STN1: variants seen among roughly 807,000 people sequenced by gnomAD.
The protein encoded by STN1 is STN1 subunit of CST complex, also known as CST complex subunit STN1.
Under a neutral mutation model 45.5 loss-of-function variants are expected in STN1, and 29 were observed. That is an observed-to-expected ratio of 0.64 (90% confidence interval 0.47 to 0.87). The LOEUF (loss-of-function observed/expected upper bound fraction) is 0.87, where lower values mean the gene tolerates loss of function less well. Ranked by LOEUF, STN1 falls within the 40% of genes least tolerant of loss-of-function variation. The pLI is 0.00. For missense variants in STN1, 376 were observed against 441.4 expected (o/e 0.85, Z 1.33); for synonymous variants, 148 against 159.0 (o/e 0.93, Z 0.52).
At chr10:103,888,973 G>C (rs929309651) in intron 9 of STN1, 99 bp downstream of exon 9, 26 of 816,354 alleles carry the variant, frequency 3.2e-5, no homozygotes, top group Non-Finnish European at 5.4e-5. Flanking sequence ...TCACTACTGG[G>C]AAAAGTCCCG....
chr10:103,893,785 G>A (rs1843155168), intron 7 of STN1, among the ~76,000 whole-genome samples: 1 of 152,194 alleles, frequency 6.6e-6, no homozygotes, highest in East Asian at 1.9e-4. Flanking sequence ...ATAGATCCTG[G>A]TGATGTTTCA....
At chr10:103,892,722 G>A (rs1843147751) in intron 7 of STN1, among the ~76,000 whole-genome samples, 1 of 152,154 alleles carries the variant, frequency 6.6e-6, no homozygotes, top group African/African-American at 2.4e-5. Flanking sequence ...TATTTTAAAT[G>A]GAGGACAACA....
At position 103,882,514 on chromosome 10, in the gene STN1, G is replaced by C. The variant is rs569978201; in HGVS notation, c.*170C>G. On this transcript the variant is annotated 3_prime_UTR_variant, in exon 10 of 10. Coordinates refer to ENST00000224950, the MANE Select transcript of STN1 (RefSeq NM_024928.5). ...CACCAAGGACATAGTGGACAGAAGG[G>C]AGCCAACAACATTTATGCCAAATCC... The C allele has an allele frequency of 8.9e-4, 561 of 633,398 alleles. 3 individuals are homozygous for C. Among genetic ancestry groups the C allele is most frequent in the Middle Eastern group, 8.0e-3 (23 of 2,866 alleles). 39.2% of individuals were successfully genotyped at this position (633,398 alleles called of 1,614,324 possible).
At chr10:103,892,294 C>T (rs1843144899) in intron 7 of STN1, 42 bp from the exon 8 acceptor site, 4 of 1,542,470 alleles carry the variant, frequency 2.6e-6, no homozygotes, top group Non-Finnish European at 3.5e-6. Flanking sequence ...AAATAAGTCT[C>T]ACCTTACGGC....
chr10:103,917,978 C>A, intron 1 of STN1, 122 bp downstream of exon 1: 1 of 185,674 alleles, frequency 5.4e-6, no homozygotes, highest in South Asian at 1.0e-4. Flanking sequence ...AACGGGCGCC[C>A]TCGCAGCCCT....
intron 7 of STN1, 102 bp from the exon 8 acceptor site, chr10:103,892,354 C>T (rs1389115135): frequency 1.9e-6 from 2 of 1,055,100 alleles, no homozygotes; most frequent in Non-Finnish European, 2.7e-6. Flanking sequence ...GTCCAACAGG[C>T]CTTTTAACTG....
rs1180481464 is a variant in STN1, at chr10:103,910,539, A to T, written c.217T>A (p.Tyr73Asn). 1 of 1,600,394 alleles carries T rather than the reference A, an allele frequency of 6.2e-7. No homozygotes were observed. The highest frequency in any genetic ancestry group is 2.2e-5 in the East Asian group (1 of 44,844). The change falls in exon 3 of 10, where the codon TAC (tyrosine) becomes AAC (asparagine). Residue 73 changes from tyrosine (Y) to asparagine (N), a missense_variant. Tyr to Asn is a moderately radical substitution (Grantham distance 143). Coordinates refer to ENST00000224950, the MANE Select transcript of STN1 (RefSeq NM_024928.5). Reference protein sequence around the residue: ...VIGVRERDAFYSYGVDDSTGV... With the variant: ...VIGVRERDAFNSYGVDDSTGV... ...CAATTGTTCTTACCTCCATAACTGT[A>T]GAAAGCATCTCTTTCTCTCACTCCA...
chr10:103,886,283 T>G (rs1381104191), intron 9 of STN1, among the ~76,000 whole-genome samples: 1 of 152,218 alleles, frequency 6.6e-6, no homozygotes, highest in Non-Finnish European at 1.5e-5. Flanking sequence ...TTTTCTTCGG[T>G]GTGAAATGAT....
intron 2 of STN1, among the ~76,000 whole-genome samples, chr10:103,911,201 C>A (rs1198279478): frequency 6.6e-6 from 1 of 152,108 alleles, no homozygotes; most frequent in Admixed American, 6.5e-5. Context: ...CAGATGGTGG[C>A]AGGCAACTTC....
rs1843067256 is a variant in STN1 at position 103,881,308 on chromosome 10, C to T, written c.*1376G>A. On this transcript the variant is annotated 3_prime_UTR_variant, in exon 10 of 10. Coordinates refer to ENST00000224950, the MANE Select transcript of STN1 (RefSeq NM_024928.5). ...CCTTTTTACCTTCTGATTCTGAACT[C>T]CTTCCTGGGCAGCCCCACTAATCAG... Among the ~76,000 whole-genome samples, 1 of 152,208 alleles carries T rather than the reference C, an allele frequency of 6.6e-6. No individual in the cohort carries two copies. Among genetic ancestry groups the T allele is most frequent in the African/African-American group, 2.4e-5 (1 of 41,440 alleles).
chr10:103,885,322 C>A (rs1019314138), intron 9 of STN1, among the ~76,000 whole-genome samples: 2 of 152,140 alleles, frequency 1.3e-5, no homozygotes, highest in Non-Finnish European at 2.9e-5. Context: ...CAGACCTGCA[C>A]ACGGTAGGGA....
intron 6 of STN1, among the ~76,000 whole-genome samples, chr10:103,898,547 G>A (rs959539714): frequency 3.3e-5 from 5 of 152,158 alleles, no homozygotes; most frequent in Non-Finnish European, 5.9e-5. Flanking sequence ...GGATCTGTGA[G>A]TTTAAAGTTT....
chr10:103,887,470 T>C (rs187923060), intron 9 of STN1, among the ~76,000 whole-genome samples: 8 of 152,278 alleles, frequency 5.3e-5, no homozygotes, highest in African/African-American at 1.9e-4. Context: ...AGTCTGGCTT[T>C]TTGGAGTGGA....
intron 2 of STN1, among the ~76,000 whole-genome samples, chr10:103,915,181 A>G (rs889005727): frequency 6.6e-6 from 1 of 152,218 alleles, no homozygotes; most frequent in Non-Finnish European, 1.5e-5. Context: ...ATTATCAACT[A>G]GGGAAGCTCA....
chr10:103,884,107 A>G (rs981307836), intron 9 of STN1, among the ~76,000 whole-genome samples: 12 of 151,354 alleles, frequency 7.9e-5, no homozygotes, highest in African/African-American at 2.9e-4. Context: ...AAAAAAAAAA[A>G]AAAAAAAAAA....
chr10:103,891,842 T>A (rs1036139587), intron 8 of STN1, among the ~76,000 whole-genome samples: 2 of 152,174 alleles, frequency 1.3e-5, no homozygotes, highest in Admixed American at 6.5e-5. Context: ...GTACAAAAAG[T>A]TAGCCCTCAT....
chr10:103,903,742 C>T (rs1411679591), intron 4 of STN1, among the ~76,000 whole-genome samples: 1 of 152,176 alleles, frequency 6.6e-6, no homozygotes, highest in Admixed American at 6.5e-5. Context: ...ATTACCCAGT[C>T]TTAGGTATTC....
rs1209673573 is a variant in STN1 at position 103,882,480 on chromosome 10, G to C, written c.*204C>G. On this transcript the variant is annotated 3_prime_UTR_variant, in exon 10 of 10. Coordinates refer to ENST00000224950, the MANE Select transcript of STN1 (RefSeq NM_024928.5). The stretch of plus-strand genomic sequence containing the variant: ...TTGTTGTGTCATGGCTGAGATCAAA[G>C]TCATTGTACACCAAGGACATAGTGG... The C allele has an allele frequency of 2.0e-6, 1 of 512,246 alleles. No homozygotes were observed. Among genetic ancestry groups the C allele is most frequent in the East Asian group, 3.3e-5 (1 of 30,710 alleles). The allele number at this position is 512,246 out of a possible 1,614,324, so 31.7% of individuals were successfully genotyped here.
At chr10:103,909,402 ATATATG>A (rs1427620489) in intron 3 of STN1, among the ~76,000 whole-genome samples, 1 of 66,020 alleles carries the variant, frequency 1.5e-5, no homozygotes, top group Admixed American at 1.9e-4. Flanking sequence ...ATATATGTAT[ATATATG>A]TATATATGTA....
Sources: gnomAD v4.1 joint callset for allele counts (sites outside exome capture counted in the v4.1 genomes callset) on GRCh38, gnomAD v4.1.1 for gene constraint, MANE v1.5 for transcripts, NCBI Gene and HGNC (gene_info 2026-07-23, HGNC 2026-07-21) for gene names.